Variants in NAGA observed in about 807,000 individuals in gnomAD.
The protein encoded by NAGA is alpha-N-acetylgalactosaminidase.
Under a neutral mutation model 45.6 loss-of-function variants are expected in NAGA, and 42 were observed. That is an observed-to-expected ratio of 0.92 (90% CI 0.72 to 1.19). NAGA has a LOEUF of 1.19. Among genes scored for constraint, NAGA ranks in the 50% most tolerant of loss-of-function variants. The probability of loss-of-function intolerance (pLI) is 0.00; values close to 1 mark genes in which losing one functional copy is unlikely to be tolerated. For synonymous variants in NAGA, 176 were observed against 203.1 expected, an observed-to-expected ratio of 0.87 and a Z score of 1.13; for missense variants, 493 against 544.8, an observed-to-expected ratio of 0.90 and a Z score of 0.95.
At position 42,061,052 on chromosome 22, in the gene NAGA, C is replaced by T. The variant is rs121434529; in HGVS notation, c.973G>A (p.Glu325Lys). 3.6e-3 allele frequency: 5,890 copies of T among 1,614,138 alleles called. 12 individuals carry two copies. The highest frequency in any genetic ancestry group is 4.5e-3 in the Non-Finnish European group (5,271 of 1,180,020). Residue 325 changes from glutamate (E) to lysine (K), a missense_variant, in exon 8 of 9, where the codon GAA (glutamate) becomes AAA (lysine). Transcript: ENST00000396398. The part of the protein sequence containing the change: ...RRIHKEKSLI[E>K]VYMRPLSNKA... Reference sequence around the variant, plus strand: ...TTGGACAGAGGCCGCATGTACACTTCGATGAGAGATTTTTCCTGGGCACAG... The same window carrying T: ...TTGGACAGAGGCCGCATGTACACTTTGATGAGAGATTTTTCCTGGGCACAG...
chr22:42,067,022 A>G (rs1926774640), intron 4 of NAGA, 91 bp downstream of exon 4: 1 of 1,573,306 alleles, frequency 6.4e-7, no homozygotes, highest in East Asian at 2.2e-5. Flanking sequence ...GGGTAGGGGG[A>G]ATTGGGAAGC....
chr22:42,060,667 C>A (rs372069275), intron 8 of NAGA, among the ~76,000 whole-genome samples: 1 of 152,160 alleles, frequency 6.6e-6, no homozygotes, highest in African/African-American at 2.4e-5. Flanking sequence ...AAGGGCTGAC[C>A]CTTGGGAGGA....
chr22:42,061,135 C>G, intron 7 of NAGA, 68 bp from the exon 8 acceptor site: 1 of 1,578,028 alleles, frequency 6.3e-7, no homozygotes, highest in Non-Finnish European at 8.6e-7. Context: ...GCCTCCCTGG[C>G]CCTCCCTGAG....
chr22:42,068,391 T>C, intron 2 of NAGA, 48 bp downstream of exon 2: 1 of 1,614,018 alleles, frequency 6.2e-7, no homozygotes, highest in Non-Finnish European at 8.5e-7. Context: ...CCCCCGAATC[T>C]GCAGGGCCCT....
chr22:42,067,976 G>T (rs372886584), intron 2 of NAGA, 40 bp from the exon 3 acceptor site: 1 of 1,594,170 alleles, frequency 6.3e-7, no homozygotes, highest in Admixed American at 1.7e-5. Context: ...CAGGGACCCA[G>T]CCCGGCCCTC....
chr22:42,067,170 T>A lies in NAGA; in HGVS notation c.445A>T (p.Lys149Ter). The A allele has an allele frequency of 6.2e-7, 1 of 1,614,062 alleles. No individual in the cohort carries two copies. Among genetic ancestry groups the A allele is most frequent in the East Asian group, 2.2e-5 (1 of 44,866 alleles). The change falls in exon 4 of 9, where the codon AAG (lysine) becomes TAG (stop). Residue 149 changes from lysine (K) to a stop codon, truncating the protein, a stop_gained. Transcript: ENST00000396398. LOFTEE classifies it high-confidence loss of function. ...VQDAQTFAEW[K>*]VDMLKLDGCF... ...CCATCCAGCTTGAGCATGTCTACCT[T>A]CCACTCGGCGAAGGTCTGAGCATCC...
intron 1 of NAGA, among the ~76,000 whole-genome samples, 177 bp downstream of exon 1, chr22:42,070,105 C>T (rs1326960048): frequency 6.6e-6 from 1 of 152,226 alleles, no homozygotes; most frequent in African/African-American, 2.4e-5. Context: ...AAGGAAGGGC[C>T]CCTTTGAAGG....
At position 42,067,806 on chromosome 22, in the gene NAGA, G is replaced by C. The variant is rs569868645; in HGVS notation, c.283C>G (p.Pro95Ala). 6.2e-7 allele frequency: 1 copy of C among 1,612,810 alleles called. No homozygotes were observed. Among genetic ancestry groups the C allele is most frequent in the African/African-American group, 1.3e-5 (1 of 75,042 alleles). ...GGAATGCCATGAGGGAAGCGCTTGG[G>C]ATCCGGCATCAGGCGGCCACTGGCA... The part of the protein sequence containing the change: ...RDASGRLMPD[P>A]KRFPHGIPFL... The change falls in exon 3 of 9, where the codon CCC becomes GCC. Residue 95 changes from proline (P) to alanine (A), a missense_variant. By Grantham distance (27) the Pro-to-Ala change is conservative. Transcript: ENST00000396398.
chr22:42,059,623 T>C lies in NAGA; in HGVS notation c.*656A>G, dbSNP rs1926244339. 1 of 153,874 alleles carries C rather than the reference T, an allele frequency of 6.5e-6. No individual in the cohort carries two copies. Among genetic ancestry groups the C allele is most frequent in the Non-Finnish European group, 1.4e-5 (1 of 69,196 alleles). The allele number at this position is 153,874 out of a possible 1,614,324, so 9.5% of individuals were successfully genotyped here. A position where few individuals can be genotyped will look rare whatever the true frequency, so the allele number is the denominator to read the frequency against. On this transcript the variant is annotated 3_prime_UTR_variant, in exon 9 of 9. Coordinates refer to ENST00000396398, the MANE Select transcript of NAGA (RefSeq NM_000262.3). Reference sequence around the variant, plus strand: ...AGGCAAGTCTGGCATCTCTAGGAAGTACAATCTTCTGGTCACTTTGGAAAA... The same window carrying C: ...AGGCAAGTCTGGCATCTCTAGGAAGCACAATCTTCTGGTCACTTTGGAAAA...
intron 6 of NAGA, 88 bp downstream of exon 6, chr22:42,065,650 G>C: frequency 6.4e-7 from 1 of 1,560,530 alleles, no homozygotes. Flanking sequence ...CCGGCAGTGA[G>C]CCTCCAAGAA....
chr22:42,066,875 T>C (rs1327123236), intron 4 of NAGA, 71 bp from the exon 5 acceptor site: 100 of 1,497,794 alleles, frequency 6.7e-5, no homozygotes, highest in Non-Finnish European at 8.4e-5. Context: ...GCCCAGACCT[T>C]TTCCCAACAG....
Position 42,067,756 on chromosome 22 carries a change from G to A in NAGA, c.324+9C>T. 3 of 1,611,028 alleles carry A rather than the reference G, an allele frequency of 1.9e-6. No individual in the cohort carries two copies. The highest frequency in any genetic ancestry group is 2.5e-6 in the Non-Finnish European group (3 of 1,179,568). On this transcript the variant is annotated intron_variant, in intron 3 of 8. Coordinates refer to ENST00000396398, the MANE Select transcript of NAGA (RefSeq NM_000262.3). ...CTGAGGCCAAGGGCAGGGCTGGGGT[G>A]CGGCTCACGTAGTCAGCCAGGAAAG...
rs200078690 is a variant in NAGA, at chr22:42,061,743, TGA to T, written c.958-678_958-677del. Among the ~76,000 whole-genome samples the T allele has an allele frequency of 4.6e-4, 70 of 152,090 alleles. No individual in the cohort carries two copies. In the East Asian group the frequency reaches 0.013, roughly 29 times the overall value. Reference sequence around the variant, plus strand: ...GTGGATCAGCTGACGTCAGGAGTTTTGAGAGTAGCCTGGCCAACATGGTGAAA... The same window carrying T: ...GTGGATCAGCTGACGTCAGGAGTTTTGAGTAGCCTGGCCAACATGGTGAAA... On this transcript the variant is annotated intron_variant, in intron 7 of 8. Transcript: ENST00000396398.
At position 42,060,262 on chromosome 22, in the gene NAGA, TCA is replaced by T. The variant is rs1462809285; in HGVS notation, c.*15_*16del. 1 of 1,612,806 alleles carries T rather than the reference TCA, an allele frequency of 6.2e-7. No homozygotes were observed. Among genetic ancestry groups the T allele is most frequent in the Non-Finnish European group, 8.5e-7 (1 of 1,179,946 alleles). ...GGCTCAGTGGTGCCACCACAGCCTG[TCA>T]CATGTCCCAGCTCCTCACTGCTGGG... On this transcript the variant is annotated 3_prime_UTR_variant, in exon 9 of 9. Transcript: ENST00000396398.
In NAGA at chr22:42,059,261, G is replaced by A. The variant is rs1231044849; in HGVS notation, c.*1018C>T. 6.6e-6 allele frequency: 1 copy of A among 152,246 alleles called. No homozygotes were observed. The highest frequency in any genetic ancestry group is 1.5e-5 in the Non-Finnish European group (1 of 68,080). 9.4% of individuals were successfully genotyped at this position (152,246 alleles called of 1,614,324 possible). ...GGGAAATACGGACCAAAGCAAGACA[G>A]GCAAGAACCCATCATTCCTTCACTT... On this transcript the variant is annotated 3_prime_UTR_variant, in exon 9 of 9. Transcript: ENST00000396398.
rs1201091793 is a variant in NAGA at position 42,067,201 on chromosome 22, C to G, written c.414G>C (p.Val138=). The change falls in exon 4 of 9, where the codon GTG becomes GTC. Residue 138 remains valine, a synonymous_variant. Coordinates refer to ENST00000396398, the MANE Select transcript of NAGA (RefSeq NM_000262.3). ...MGYPGTTLDK[V]VQDAQTFAEW... ...CGGCGAAGGTCTGAGCATCCTGGAC[C>G]ACCTTGTCCAGTGTGGTGCCTGGGT... 6.2e-7 allele frequency: 1 copy of G among 1,614,030 alleles called. No homozygotes were observed. Among genetic ancestry groups the G allele is most frequent in the Non-Finnish European group, 8.5e-7 (1 of 1,180,000 alleles).
chr22:42,068,567 C>T lies in NAGA; in HGVS notation c.24G>A (p.Leu8=). 1 of 1,614,126 alleles carries T rather than the reference C, an allele frequency of 6.2e-7. No individual in the cohort carries two copies. The highest frequency in any genetic ancestry group is 1.3e-5 in the African/African-American group (1 of 75,046). ...TCAGCACCTGGGCCACATGTCCCAG[C>T]AAGAGCACTAGGGGGCAAGGGAGGA... is the stretch of plus-strand genomic sequence containing the variant. MLLKTVL[L]LGHVAQVLML... is the part of the protein sequence containing the mutation. The change falls in exon 2 of 9, where the codon TTG becomes TTA. Residue 8 remains leucine (L), a synonymous_variant. Coordinates refer to ENST00000396398, the MANE Select transcript of NAGA (RefSeq NM_000262.3).
In NAGA at chr22:42,067,238, G is replaced by A. The variant is rs1392697327; in HGVS notation, c.377C>T (p.Thr126Ile). Residue 126 changes from threonine to isoleucine, a missense_variant, in exon 4 of 9, where the codon ACC becomes ATC. By Grantham distance (89) the Thr-to-Ile change is moderately conservative. Coordinates refer to ENST00000396398, the MANE Select transcript of NAGA (RefSeq NM_000262.3). ...TGTGGTGCCTGGGTAACCCATGCAG[G>A]TGAAGTTGCCCATGTCCGCGTAGAT... is the stretch of plus-strand genomic sequence containing the variant. Reference protein sequence around the residue: ...LGIYADMGNFTCMGYPGTTLD... With the variant: ...LGIYADMGNFICMGYPGTTLD... The A allele has an allele frequency of 3.1e-6, 5 of 1,614,170 alleles. No homozygotes were observed. Among genetic ancestry groups the A allele is most frequent in the African/African-American group, 2.7e-5 (2 of 75,040 alleles).
At chr22:42,066,139 G>C (rs1926715734) in intron 5 of NAGA, among the ~76,000 whole-genome samples, 1 of 152,188 alleles carries the variant, frequency 6.6e-6, no homozygotes, top group African/African-American at 2.4e-5. Context: ...TCTCATGCCA[G>C]CTTGGGTCAA....
Sources: allele counts gnomAD v4.1 joint callset (sites outside exome capture counted in the v4.1 genomes callset), GRCh38; gene constraint gnomAD v4.1.1; transcripts MANE v1.5; gene names NCBI Gene and HGNC (gene_info 2026-07-23, HGNC 2026-07-21).